Variants in CA2 observed in about 807,000 individuals in gnomAD.
CA2 encodes carbonate dehydratase II.
In CA2, 23 loss-of-function variants were observed where a neutral mutation model predicts 27.8. The observed-to-expected ratio is 0.83, with a 90% CI of 0.59 to 1.17. CA2 has a LOEUF of 1.17. Among genes scored for constraint, CA2 ranks in the 50% most tolerant of loss-of-function variants. CA2 has a pLI of 0.00. For missense variants in CA2, 300 were observed against 314.7 expected, an observed-to-expected ratio of 0.95 and a Z score of 0.35; for synonymous variants, 99 against 114.9, an observed-to-expected ratio of 0.86 and a Z score of 0.88.
In CA2 at chr8:85,480,844, T is replaced by A; in HGVS notation, c.*55T>A. The A allele has an allele frequency of 6.3e-7, 1 of 1,594,466 alleles. No homozygotes were observed. Among genetic ancestry groups the A allele is most frequent in the South Asian group, 1.1e-5 (1 of 90,456 alleles). On this transcript the variant is annotated 3_prime_UTR_variant, in exon 7 of 7. Transcript: ENST00000285379. ...GAATCTTCGGGTGTTTCCCTTTAGC[T>A]AAGCACAGATCTACCTTGGTGATTT...
chr8:85,477,370 CCTT>C, intron 6 of CA2, 95 bp downstream of exon 6: 4 of 1,332,604 alleles, frequency 3.0e-6, no homozygotes, highest in Non-Finnish European at 4.3e-6. Context: ...GAGATTTAAT[CCTT>C]CTCCTGCTAC....
intron 2 of CA2, among the ~76,000 whole-genome samples, chr8:85,471,692 T>C (rs780952631): frequency 3.9e-5 from 6 of 152,120 alleles, no homozygotes; most frequent in Non-Finnish European, 8.8e-5. Flanking sequence ...TGCTTCTTAT[T>C]ATCAGCCAGT....
At chr8:85,469,752 A>T (rs1001975274) in intron 2 of CA2, among the ~76,000 whole-genome samples, 1 of 152,216 alleles carries the variant, frequency 6.6e-6, no homozygotes, top group Non-Finnish European at 1.5e-5. Context: ...GCCAACTCTT[A>T]TCCAAGTCTT....
chr8:85,464,191 C>T (rs1301742672), intron 1 of CA2, 76 bp downstream of exon 1: 3 of 1,352,684 alleles, frequency 2.2e-6, no homozygotes, highest in Non-Finnish European at 3.0e-6. Flanking sequence ...GCCCGGATGC[C>T]GGCCCGGGGC....
intron 2 of CA2, among the ~76,000 whole-genome samples, chr8:85,471,116 T>C (rs1030348777): frequency 6.6e-6 from 1 of 152,192 alleles, no homozygotes; most frequent in Admixed American, 6.5e-5. Context: ...TTATGTTTTA[T>C]GTTTCTCAAA....
In CA2 at chr8:85,480,784, A is replaced by T; in HGVS notation, c.778A>T (p.Lys260Ter). The T allele has an allele frequency of 6.2e-7, 1 of 1,613,860 alleles. No individual in the cohort carries two copies. The highest frequency in any genetic ancestry group is 8.5e-7 in the Non-Finnish European group (1 of 1,179,844). ...GAACAGGCAAATCAAAGCTTCCTTC[A>T]AATAAGATGGTCCCATAGTCTGTAT... ...LKNRQIKASF[K>*] Residue 260 changes from lysine (K) to a stop codon, truncating the protein, a stop_gained, in exon 7 of 7, where the codon AAA becomes TAA. Coordinates refer to ENST00000285379, the MANE Select transcript of CA2 (RefSeq NM_000067.3). LOFTEE classifies it high-confidence loss of function.
intron 6 of CA2, among the ~76,000 whole-genome samples, chr8:85,480,076 G>A (rs1466118996): frequency 1.3e-5 from 2 of 152,176 alleles, no homozygotes; most frequent in African/African-American, 4.8e-5. Context: ...TTTTAAATTA[G>A]AAGGTCACTG....
chr8:85,476,709 T>C (rs531679164), intron 5 of CA2, among the ~76,000 whole-genome samples: 2 of 152,294 alleles, frequency 1.3e-5, no homozygotes, highest in East Asian at 1.9e-4. Context: ...AGTTATTTGA[T>C]TCTGACCTAG....
intron 4 of CA2, among the ~76,000 whole-genome samples, chr8:85,475,431 C>T (rs943909680): frequency 3.6e-5 from 5 of 137,600 alleles, no homozygotes; most frequent in South Asian, 2.4e-4. Flanking sequence ...TGCTGGAAGG[C>T]GTAGGGAAAG....
At chr8:85,465,502 G>A (rs190187220) in intron 2 of CA2, 33 bp downstream of exon 2, 2 of 1,560,234 alleles carry the variant, frequency 1.3e-6, no homozygotes, top group East Asian at 4.6e-5. Context: ...GTGTCTTTTA[G>A]CCAGTAGCTG....
At chr8:85,476,228 C>T (rs1811796909) in intron 5 of CA2, among the ~76,000 whole-genome samples, 1 of 152,198 alleles carries the variant, frequency 6.6e-6, no homozygotes, top group Non-Finnish European at 1.5e-5. Flanking sequence ...GCTTTGCAAA[C>T]TAGTAGACAC....
chr8:85,465,512 G>A (rs1238934810), intron 2 of CA2, 43 bp downstream of exon 2: 3 of 1,513,318 alleles, frequency 2.0e-6, no homozygotes, highest in South Asian at 2.3e-5. Context: ...GCCAGTAGCT[G>A]TTTTCCGAGC....
At chr8:85,477,322 A>G in intron 6 of CA2, 47 bp downstream of exon 6, 1 of 1,609,384 alleles carries the variant, frequency 6.2e-7, no homozygotes. Context: ...GCATTTAGTC[A>G]AGGCAGAAGA....
chr8:85,477,263 C>T lies in CA2; in HGVS notation c.651C>T (p.Val217=). 1 of 1,614,074 alleles carries T rather than the reference C, an allele frequency of 6.2e-7. No homozygotes were observed. Among genetic ancestry groups the T allele is most frequent in the African/African-American group, 1.3e-5 (1 of 75,036 alleles). ...TTGTGCTCAAGGAACCCATCAGCGT[C>T]AGCAGCGAGCAGGTTTGTTTTGTAA... ...TWIVLKEPIS[V]SSEQVLKFRK... The change falls in exon 6 of 7, where the codon GTC becomes GTT. Residue 217 remains valine, a synonymous_variant. Coordinates refer to ENST00000285379, the MANE Select transcript of CA2 (RefSeq NM_000067.3).
intron 2 of CA2, 122 bp downstream of exon 2, chr8:85,465,591 A>G: frequency 2.5e-6 from 2 of 792,752 alleles, no homozygotes; most frequent in East Asian, 2.7e-5. Context: ...GGACTCAAGG[A>G]TGCCACCCTG....
chr8:85,477,291 A>T lies in CA2; in HGVS notation c.663+16A>T, dbSNP rs758503266. 6.2e-7 allele frequency: 1 copy of T among 1,614,002 alleles called. No individual in the cohort carries two copies. The highest frequency in any genetic ancestry group is 2.2e-5 in the East Asian group (1 of 44,880). ...CAGCGAGCAGGTTTGTTTTGTAATG[A>T]CAGGTCTGTTTACGGGTGGAGCATT... On this transcript the variant is annotated intron_variant, in intron 6 of 6. Transcript: ENST00000285379.
At chr8:85,466,412 ATATAT>A (rs1475534030) in intron 2 of CA2, among the ~76,000 whole-genome samples, 2 of 152,096 alleles carry the variant, frequency 1.3e-5, no homozygotes, top group Non-Finnish European at 2.9e-5. Context: ...TACGGTACTA[ATATAT>A]TATATAATAT....
intron 4 of CA2, chr8:85,474,649 C>T (rs530551295): frequency 1.1e-5 from 6 of 536,878 alleles, no homozygotes; most frequent in African/African-American, 9.5e-5. Context: ...ATGTGAAGAA[C>T]ATAAAGAGAT....
chr8:85,465,043 C>T (rs1811605344), intron 1 of CA2: 1 of 539,862 alleles, frequency 1.9e-6, no homozygotes, highest in Admixed American at 3.1e-5. Flanking sequence ...TTACATATAT[C>T]GATTCTAATT....
Sources: allele counts gnomAD v4.1 joint callset (sites outside exome capture counted in the v4.1 genomes callset), GRCh38; gene constraint gnomAD v4.1.1; transcripts MANE v1.5; gene names NCBI Gene and HGNC (gene_info 2026-07-23, HGNC 2026-07-21).